Variants in MTMR14 observed in about 807,000 individuals in gnomAD.
MTMR14 encodes the protein phosphatidylinositol-3,5-bisphosphate 3-phosphatase MTMR14.
Under a neutral mutation model 86.3 loss-of-function variants are expected in MTMR14, and 48 were observed. The observed-to-expected ratio is 0.56, with a 90% CI of 0.44 to 0.71. The LOEUF is 0.71. Among genes scored for constraint, MTMR14 ranks in the 30% least tolerant of loss-of-function variants. The pLI, the probability that MTMR14 is intolerant of heterozygous loss-of-function variation, is 0.00. For missense variants in MTMR14, 780 were observed against 834.6 expected, an observed-to-expected ratio of 0.93 and a Z score of 0.81; for synonymous variants, 366 against 326.1, an observed-to-expected ratio of 1.12 and a Z score of -1.32.
intron 13 of MTMR14, among the ~76,000 whole-genome samples, chr3:9,687,460 C>T (rs1331082228): frequency 6.6e-6 from 1 of 151,930 alleles, no homozygotes; most frequent in Non-Finnish European, 1.5e-5. Flanking sequence ...GAGGCTGAGG[C>T]AGGAGAGTGG....
chr3:9,695,922 A>G (rs918340728), intron 17 of MTMR14, among the ~76,000 whole-genome samples: 2 of 152,122 alleles, frequency 1.3e-5, no homozygotes, highest in African/African-American at 4.8e-5. Flanking sequence ...TGTCTCTTTG[A>G]TTTACAGACT....
intron 18 of MTMR14, among the ~76,000 whole-genome samples, chr3:9,698,145 C>A (rs539209254): frequency 2.6e-5 from 4 of 152,248 alleles, no homozygotes; most frequent in Admixed American, 6.5e-5. Flanking sequence ...ATAGAAGATT[C>A]TATTTCTGTA....
chr3:9,697,671 C>A, intron 17 of MTMR14, 40 bp from the exon 18 acceptor site: 1 of 1,605,110 alleles, frequency 6.2e-7, no homozygotes, highest in Non-Finnish European at 8.5e-7. Context: ...AGGCATATGA[C>A]TGACTGCATC....
chr3:9,697,230 AAG>A (rs2076307670), intron 17 of MTMR14, among the ~76,000 whole-genome samples: 1 of 152,034 alleles, frequency 6.6e-6, no homozygotes, highest in Non-Finnish European at 1.5e-5. Context: ...CACAATCCCC[AAG>A]AGGCCCGTAC....
At position 9,701,903 on chromosome 3, in the gene MTMR14, C is replaced by T; in HGVS notation, c.1883C>T (p.Ala628Val). The T allele has an allele frequency of 6.2e-7, 1 of 1,614,194 alleles. No individual in the cohort carries two copies. The highest frequency in any genetic ancestry group is 2.2e-5 in the East Asian group (1 of 44,890). ...GCAGTAGCCCCCAGTCCTTCCGGTG[C>T]CATCGGGGGCCTGCTGGAGCAATTT... ...LRAVAPSPSG[A>V]IGGLLEQFAR... The change falls in exon 19 of 19, where the codon GCC becomes GTC. Residue 628 changes from alanine to valine, a missense_variant. Ala to Val is a moderately conservative substitution (Grantham distance 64, BLOSUM62 0). Transcript: ENST00000296003. This position sits in a 1 kb window ranked among gnomAD's most constrained non-coding sequence, Gnocchi z 4.2.
chr3:9,650,261 C>A, intron 1 of MTMR14: 1 of 455,240 alleles, frequency 2.2e-6, no homozygotes. Context: ...CCCACACTCC[C>A]TTTCAGTTCC....
intron 17 of MTMR14, among the ~76,000 whole-genome samples, chr3:9,692,789 C>T (rs774016178): frequency 2.6e-5 from 4 of 152,212 alleles, no homozygotes; most frequent in Admixed American, 6.5e-5. Flanking sequence ...ACCTCTGCTG[C>T]CCAGTTAGCT....
Position 9,677,269 on chromosome 3 carries a change from A to T in MTMR14, c.752-48A>T, listed in dbSNP as rs774972213. 1 of 1,577,542 alleles carries T rather than the reference A, an allele frequency of 6.3e-7. No homozygotes were observed. The highest frequency in any genetic ancestry group is 8.7e-7 in the Non-Finnish European group (1 of 1,147,228). On this transcript the variant is annotated intron_variant, in intron 7 of 18. Transcript: ENST00000296003. This position sits in a 1 kb window ranked among gnomAD's most constrained non-coding sequence, Gnocchi z 4.2. ...GGTCTGGCCAGGGCTGTCTCAGAAG[A>T]CTTTGGGCTGGGAAGGGAGATGTCA... is the stretch of plus-strand genomic sequence containing the variant.
intron 3 of MTMR14, among the ~76,000 whole-genome samples, chr3:9,663,531 G>A (rs1260725347): frequency 1.3e-5 from 1 of 74,300 alleles, no homozygotes; most frequent in Non-Finnish European, 3.0e-5. Flanking sequence ...TTTTTTTGAG[G>A]CAGCAGACAT....
intron 4 of MTMR14, among the ~76,000 whole-genome samples, 172 bp downstream of exon 4, chr3:9,668,966 C>T (rs2048414703): frequency 1.3e-5 from 2 of 151,942 alleles, no homozygotes; most frequent in Non-Finnish European, 2.9e-5. Flanking sequence ...GGTGAAACCC[C>T]ATCTCTACTA....
chr3:9,702,355 C>G lies in MTMR14; in HGVS notation c.*382C>G, dbSNP rs1279820441. 2 of 322,638 alleles carry G rather than the reference C, an allele frequency of 6.2e-6. No individual in the cohort carries two copies. The highest frequency in any genetic ancestry group is 1.4e-4 in the East Asian group (2 of 14,380). The allele number at this position is 322,638 out of a possible 1,614,324, so 20.0% of individuals were successfully genotyped here. A position where few individuals can be genotyped will look rare whatever the true frequency, so the allele number is the denominator to read the frequency against. On this transcript the variant is annotated 3_prime_UTR_variant, in exon 19 of 19. Coordinates refer to ENST00000296003, the MANE Select transcript of MTMR14 (RefSeq NM_001077525.3). ...GCACTGAGAATGAGGCAGTTTGACA[C>G]AGATCACAAAATAAAATCAAAGTCT... is the stretch of plus-strand genomic sequence containing the variant.
chr3:9,652,492 C>T (rs892306364), intron 1 of MTMR14, among the ~76,000 whole-genome samples: 11 of 152,124 alleles, frequency 7.2e-5, no homozygotes, highest in African/African-American at 1.9e-4. Context: ...CTGGCTCACG[C>T]GTGTAATCCT....
intron 18 of MTMR14, chr3:9,700,821 CTT>C (rs774496517): frequency 2.3e-4 from 32 of 137,644 alleles, no homozygotes; most frequent in Non-Finnish European, 2.4e-4. Context: ...TTTTTCTTTT[CTT>C]TTTTTTTTTT....
chr3:9,698,630 C>G lies in MTMR14; in HGVS notation c.1769+764C>G, dbSNP rs551302232. Among the ~76,000 whole-genome samples, 23 of 152,338 alleles carry G rather than the reference C, an allele frequency of 1.5e-4. 1 individual carries two copies. Among genetic ancestry groups the G allele is most frequent in the Admixed American group, 1.2e-3 (18 of 15,302 alleles). On this transcript the variant is annotated intron_variant, in intron 18 of 18. Coordinates refer to ENST00000296003, the MANE Select transcript of MTMR14 (RefSeq NM_001077525.3). ...CAGCACCGCAATCCAGCTCATCCCC[C>G]CACCCCTGTTGGCAGGTGGGAGGCA...
At chr3:9,663,472 C>CTT (rs1349590465) in intron 3 of MTMR14, among the ~76,000 whole-genome samples, 2 of 84,072 alleles carry the variant, frequency 2.4e-5, no homozygotes, top group Non-Finnish European at 2.7e-5. Context: ...GTTATTGCAA[C>CTT]TTTTTTTTTT....
chr3:9,679,130 T>C (rs1351080567), intron 9 of MTMR14, among the ~76,000 whole-genome samples: 1 of 152,226 alleles, frequency 6.6e-6, no homozygotes, highest in East Asian at 1.9e-4. Flanking sequence ...TTTCTCTATA[T>C]ATATCCAGAC....
chr3:9,684,803 G>A, intron 11 of MTMR14, 85 bp from the exon 12 acceptor site: 12 of 1,557,260 alleles, frequency 7.7e-6, no homozygotes, highest in Non-Finnish European at 9.7e-6. Context: ...GTGTTCTTCA[G>A]CCTGCGTTGT....
intron 17 of MTMR14, 47 bp downstream of exon 17, chr3:9,690,190 C>G (rs759307689): frequency 1.2e-6 from 2 of 1,603,154 alleles, no homozygotes; most frequent in Non-Finnish European, 1.7e-6. Context: ...TAGCTTTCCC[C>G]CTTAATAAGA....
chr3:9,682,922 A>T, intron 9 of MTMR14, among the ~76,000 whole-genome samples: 1 of 149,346 alleles, frequency 6.7e-6, no homozygotes, highest in African/African-American at 2.5e-5. Context: ...TCACTCTCAC[A>T]TTGGGTCAGA....
Sources: allele counts gnomAD v4.1 joint callset (sites outside exome capture counted in the v4.1 genomes callset), GRCh38; gene constraint gnomAD v4.1.1; non-coding constraint Gnocchi (gnomAD v3.1); transcripts MANE v1.5; gene names NCBI Gene and HGNC (gene_info 2026-07-23, HGNC 2026-07-21).